Variants in TMEM132D observed in about 807,000 individuals in gnomAD.
TMEM132D encodes transmembrane protein 132D.
In TMEM132D, 21 loss-of-function variants were observed where a neutral mutation model predicts 62.3. The observed-to-expected ratio is 0.34, with a 90% CI of 0.24 to 0.49. The LOEUF is 0.49. Ranked by LOEUF, TMEM132D falls within the 20% of genes least tolerant of loss-of-function variation. The probability of loss-of-function intolerance (pLI) is 0.99; values close to 1 mark genes in which losing one functional copy is unlikely to be tolerated. For synonymous variants in TMEM132D, 621 were observed against 575.6 expected, an observed-to-expected ratio of 1.08 and a Z score of -1.13; for missense variants, 1,346 against 1,402.8, an observed-to-expected ratio of 0.96 and a Z score of 0.65.
At chr12:129,679,955 G>C (rs1021467846) in intron 2 of TMEM132D, among the ~76,000 whole-genome samples, 1 of 152,048 alleles carries the variant, frequency 6.6e-6, no homozygotes, top group African/African-American at 2.4e-5. Context: ...GAACAACTCT[G>C]CTCAGAATTT....
intron 3 of TMEM132D, among the ~76,000 whole-genome samples, chr12:129,506,142 G>C (rs961707853): frequency 6.6e-6 from 1 of 152,094 alleles, no homozygotes; most frequent in South Asian, 2.1e-4. Context: ...GCTTTAAAGA[G>C]GTTCTGTTTT....
intron 3 of TMEM132D, among the ~76,000 whole-genome samples, chr12:129,387,082 C>A (rs1871126388): frequency 6.6e-6 from 1 of 151,910 alleles, no homozygotes; most frequent in South Asian, 2.1e-4. Flanking sequence ...CCAACACGAA[C>A]ACTAACACCA....
At position 129,223,776 on chromosome 12, in the gene TMEM132D, G is replaced by A. The variant is rs527749225; in HGVS notation, c.1300-14113C>T. Among the ~76,000 whole-genome samples the A allele has an allele frequency of 4.7e-3, 717 of 152,262 alleles. 10 individuals are homozygous for A. The highest frequency in any genetic ancestry group is 0.016 in the African/African-American group (659 of 41,558). On this transcript the variant is annotated intron_variant, in intron 4 of 8. Transcript: ENST00000422113. Reference sequence around the variant, plus strand: ...CTTTTATACTCTCAAGGATGATAACGTCTACATTGTGTTCTGAAACATAAT... The same window carrying A: ...CTTTTATACTCTCAAGGATGATAACATCTACATTGTGTTCTGAAACATAAT...
rs1881350111 is a variant in TMEM132D at position 129,700,193 on chromosome 12, C to A, written c.585G>T (p.Glu195Asp). The A allele has an allele frequency of 6.2e-7, 1 of 1,612,748 alleles. No individual in the cohort carries two copies. The highest frequency in any genetic ancestry group is 1.1e-5 in the South Asian group (1 of 91,066). ...TGAACCAGCTGGACAGGAGCTCCAG[C>A]TCGGCCACGCACAGCCCCAGGTCCC... ...LQGDLGLCVA[E>D]LELLSSWFSP... The change falls in exon 2 of 9, where the codon GAG becomes GAT. Residue 195 changes from glutamate to aspartate, a missense_variant. Coordinates refer to ENST00000422113, the MANE Select transcript of TMEM132D (RefSeq NM_133448.3).
At chr12:129,726,911 T>C (rs1199860042) in intron 1 of TMEM132D, among the ~76,000 whole-genome samples, 5 of 152,184 alleles carry the variant, frequency 3.3e-5, no homozygotes, top group African/African-American at 7.2e-5. Context: ...GAGTGAGCTA[T>C]AGCAGGGATA....
intron 2 of TMEM132D, among the ~76,000 whole-genome samples, chr12:129,538,690 C>G (rs1191595062): frequency 6.6e-6 from 1 of 152,254 alleles, no homozygotes; most frequent in African/African-American, 2.4e-5. Context: ...TGCGGTCTCT[C>G]TCAAAATACC....
At position 129,371,751 on chromosome 12, in the gene TMEM132D, G is replaced by T. The variant is rs989777506; in HGVS notation, c.1116-33934C>A. Among the ~76,000 whole-genome samples the T allele has an allele frequency of 3.3e-5, 5 of 152,118 alleles. No homozygotes were observed. Among genetic ancestry groups the T allele is most frequent in the African/African-American group, 9.7e-5 (4 of 41,422 alleles). Reference sequence around the variant, plus strand: ...GTGTTTAGAACTGGAAAACATGGAAGTCTATACATAGCTTTACGTATCTGC... The same window carrying T: ...GTGTTTAGAACTGGAAAACATGGAATTCTATACATAGCTTTACGTATCTGC... On this transcript the variant is annotated intron_variant, in intron 3 of 8. Transcript: ENST00000422113. The surrounding 1 kb of genome is among the most constrained non-coding windows in gnomAD (Gnocchi z 4.3).
chr12:129,891,176 C>T (rs368565631), intron 1 of TMEM132D, among the ~76,000 whole-genome samples: 7 of 152,178 alleles, frequency 4.6e-5, no homozygotes, highest in African/African-American at 1.4e-4. Context: ...TTTACCTCCA[C>T]GTCATCTGTC....
At chr12:129,670,413 G>A (rs926943342) in intron 2 of TMEM132D, among the ~76,000 whole-genome samples, 4 of 152,064 alleles carry the variant, frequency 2.6e-5, no homozygotes, top group Non-Finnish European at 4.4e-5. Flanking sequence ...GGCTTGAGAC[G>A]TTTTGCAGAC....
intron 2 of TMEM132D, among the ~76,000 whole-genome samples, chr12:129,654,448 T>C (rs1002061072): frequency 6.6e-5 from 10 of 152,204 alleles, no homozygotes; most frequent in Non-Finnish European, 1.5e-5. Flanking sequence ...TCTTATGTAC[T>C]ATAAATAGAT....
intron 3 of TMEM132D, among the ~76,000 whole-genome samples, chr12:129,419,339 T>C (rs867160306): frequency 6.6e-6 from 1 of 152,102 alleles, no homozygotes; most frequent in South Asian, 2.1e-4. Flanking sequence ...GAGTAAATCC[T>C]AGCAATTCCA....
chr12:129,422,794 C>T (rs1872367114), intron 3 of TMEM132D, among the ~76,000 whole-genome samples: 1 of 151,440 alleles, frequency 6.6e-6, no homozygotes, highest in Admixed American at 6.6e-5. Context: ...TGATTGAATA[C>T]ATTATGATAA....
intron 5 of TMEM132D, among the ~76,000 whole-genome samples, chr12:129,101,748 T>A (rs1278453559): frequency 6.6e-6 from 1 of 152,196 alleles, no homozygotes; most frequent in Non-Finnish European, 1.5e-5. Context: ...TGACAGTTCA[T>A]TTATCATATA....
At chr12:129,366,301 T>C (rs1045177788) in intron 3 of TMEM132D, among the ~76,000 whole-genome samples, 5 of 152,136 alleles carry the variant, frequency 3.3e-5, no homozygotes, top group Admixed American at 2.6e-4. Flanking sequence ...GGGGTGGATT[T>C]CTCATGAATT....
intron 1 of TMEM132D, among the ~76,000 whole-genome samples, chr12:129,877,628 C>CACACACAG (rs869172595): frequency 1.5e-3 from 222 of 146,954 alleles, no homozygotes; most frequent in African/African-American, 5.3e-3. Context: ...CACACACACA[C>CACACACAG]AGAGAGAGAG....
chr12:129,297,131 T>C (rs1212733529), intron 4 of TMEM132D, among the ~76,000 whole-genome samples: 1 of 152,150 alleles, frequency 6.6e-6, no homozygotes, highest in African/African-American at 2.4e-5. Flanking sequence ...CCCCCGTCTT[T>C]AGTGTCAGAG....
rs149926522 is a variant in TMEM132D, at chr12:129,839,421, C to T, written c.79+63840G>A. 6.1e-3 allele frequency among the ~76,000 whole-genome samples: 924 copies of T among 151,852 alleles called. 6 individuals are homozygous for T. The highest frequency in any genetic ancestry group is 0.021 in the African/African-American group (876 of 41,424). On this transcript the variant is annotated intron_variant, in intron 1 of 8. Coordinates refer to ENST00000422113, the MANE Select transcript of TMEM132D (RefSeq NM_133448.3). ...GATTACAGGTGTGAGCCACCGTACCCGGCCCTAATTTTTGTATTTTTAGTA... is the reference window on the plus strand; with the variant it reads ...GATTACAGGTGTGAGCCACCGTACCTGGCCCTAATTTTTGTATTTTTAGTA...
intron 3 of TMEM132D, among the ~76,000 whole-genome samples, chr12:129,434,109 A>C (rs1872729691): frequency 6.6e-6 from 1 of 152,174 alleles, no homozygotes; most frequent in South Asian, 2.1e-4. Context: ...AACATTCTAG[A>C]TCTCGTTTAT....
chr12:129,180,822 A>T (rs1048506161), intron 5 of TMEM132D, among the ~76,000 whole-genome samples: 1 of 152,046 alleles, frequency 6.6e-6, no homozygotes, highest in African/African-American at 2.4e-5. Context: ...TGGCTGGGGC[A>T]TGGTAAGCAA....
Sources: allele counts gnomAD v4.1 joint callset (sites outside exome capture counted in the v4.1 genomes callset), GRCh38; gene constraint gnomAD v4.1.1; non-coding constraint Gnocchi (gnomAD v3.1); transcripts MANE v1.5; gene names NCBI Gene and HGNC (gene_info 2026-07-23, HGNC 2026-07-21).